Variants in KAZN observed in about 807,000 individuals in gnomAD.
KAZN encodes kazrin, periplakin interacting protein, also known as kazrin.
In KAZN, 40 loss-of-function variants were observed where a neutral mutation model predicts 87.4. The ratio of observed to expected loss-of-function variants is 0.46; its 90% confidence interval spans 0.36 to 0.60. KAZN has a LOEUF of 0.60. Ranked by LOEUF, KAZN falls within the 20% of genes least tolerant of loss-of-function variation. The pLI, the probability that KAZN is intolerant of heterozygous loss-of-function variation, is 0.00. For synonymous variants in KAZN, 466 were observed against 458.3 expected (o/e 1.02, Z -0.22); for missense variants, 898 against 1,073.9 (o/e 0.84, Z 2.29).
chr1:14,036,870 C>T (rs972706935), intron 1 of KAZN, among the ~76,000 whole-genome samples: 6 of 151,882 alleles, frequency 4.0e-5, no homozygotes, highest in Non-Finnish European at 7.4e-5. Flanking sequence ...ACCTCCGCCT[C>T]CCAGGTTCAA....
intron 2 of KAZN, among the ~76,000 whole-genome samples, chr1:14,970,242 C>G (rs1664881607): frequency 6.6e-6 from 1 of 152,198 alleles, no homozygotes; most frequent in Non-Finnish European, 1.5e-5. Context: ...TAAGATCCTT[C>G]AATTACCTTG....
chr1:14,861,285 G>C (rs1317841733), intron 1 of KAZN, among the ~76,000 whole-genome samples: 1 of 152,146 alleles, frequency 6.6e-6, no homozygotes, highest in African/African-American at 2.4e-5. Flanking sequence ...AGGCTGAGGC[G>C]GGAGGATCAC....
chr1:14,875,331 CAAAAAAA>C (rs58205013), intron 1 of KAZN, among the ~76,000 whole-genome samples: 59 of 86,926 alleles, frequency 6.8e-4, no homozygotes, highest in African/African-American at 2.4e-3. Context: ...AACTCTGTCT[CAAAAAAA>C]AAAAAAAAAA....
intron 1 of KAZN, among the ~76,000 whole-genome samples, chr1:14,900,690 G>A (rs534109058): frequency 8.0e-5 from 12 of 150,342 alleles, no homozygotes; most frequent in African/African-American, 2.7e-4. Context: ...GGAGGCAGAG[G>A]TTGCAGTGAG....
At chr1:14,451,604 G>GAGAGAGAGAGAGAGAGAGAGAT (rs1557730416) in intron 2 of KAZN, among the ~76,000 whole-genome samples, 3 of 150,980 alleles carry the variant, frequency 2.0e-5, no homozygotes, top group Non-Finnish European at 4.4e-5. Flanking sequence ...GAGAGAGAGA[G>GAGAGAGAGAGAGAGAGAGAGAT]AGAAAGAGAG....
At chr1:14,708,901 C>G (rs1017027385) in intron 1 of KAZN, among the ~76,000 whole-genome samples, 3 of 152,188 alleles carry the variant, frequency 2.0e-5, no homozygotes, top group Non-Finnish European at 4.4e-5. Flanking sequence ...ACTTTTTGAG[C>G]TTTAAAATAA....
intron 2 of KAZN, among the ~76,000 whole-genome samples, chr1:14,559,472 G>A (rs1674124193): frequency 6.6e-6 from 1 of 152,166 alleles, no homozygotes; most frequent in African/African-American, 2.4e-5. Flanking sequence ...GCTATGATCT[G>A]GAGCAAGTGG....
At chr1:14,924,493 C>A in intron 1 of KAZN, 4 of 996,160 alleles carry the variant, frequency 4.0e-6, no homozygotes, top group Non-Finnish European at 4.8e-6. Context: ...GCGAGCAGTG[C>A]GTGGACGCGG....
chr1:14,475,256 C>T (rs1469688306), intron 2 of KAZN, among the ~76,000 whole-genome samples: 3 of 152,166 alleles, frequency 2.0e-5, no homozygotes, highest in Non-Finnish European at 4.4e-5. Flanking sequence ...AGACCAATCT[C>T]CTTTTGAACC....
intron 1 of KAZN, among the ~76,000 whole-genome samples, chr1:14,729,600 C>T (rs6658908): frequency 0.23 from 34,751 of 152,058 alleles, 4,845 homozygotes; most frequent in African/African-American, 0.37. Flanking sequence ...AACAGTGTCT[C>T]GAGATTCCAC....
At chr1:13,983,702 G>C (rs1366242976) in intron 1 of KAZN, among the ~76,000 whole-genome samples, 1 of 152,256 alleles carries the variant, frequency 6.6e-6, no homozygotes, top group Non-Finnish European at 1.5e-5. Flanking sequence ...GGGCTGTGAG[G>C]ACCGCCAGCA....
intron 2 of KAZN, among the ~76,000 whole-genome samples, chr1:14,455,027 C>T (rs1667488083): frequency 1.3e-5 from 2 of 150,634 alleles, no homozygotes; most frequent in South Asian, 2.1e-4. Context: ...CTCCATAGAG[C>T]TGCTCATGAC....
At chr1:14,203,004 C>T (rs1327073340) in intron 2 of KAZN, among the ~76,000 whole-genome samples, 1 of 151,952 alleles carries the variant, frequency 6.6e-6, no homozygotes, top group Admixed American at 6.6e-5. Context: ...GCGACAAGAG[C>T]AAAACTCCGT....
At chr1:14,328,430 A>C (rs745375986) in intron 2 of KAZN, among the ~76,000 whole-genome samples, 1 of 152,176 alleles carries the variant, frequency 6.6e-6, no homozygotes, top group Non-Finnish European at 1.5e-5. Flanking sequence ...GAGGCCAGGC[A>C]TGGTGGCTGA....
chr1:14,477,150 G>A (rs141611733), intron 2 of KAZN, among the ~76,000 whole-genome samples: 35 of 152,262 alleles, frequency 2.3e-4, no homozygotes, highest in African/African-American at 8.2e-4. Context: ...TAAATTATGG[G>A]GGTGGGCCTT....
At chr1:15,000,299 G>T (rs1223949035) in intron 2 of KAZN, among the ~76,000 whole-genome samples, 1 of 151,790 alleles carries the variant, frequency 6.6e-6, no homozygotes, top group Admixed American at 6.6e-5. Flanking sequence ...GCCTCCGGTG[G>T]GAGCCTGGCC....
intron 2 of KAZN, among the ~76,000 whole-genome samples, chr1:14,415,676 T>C (rs950741597): frequency 2.6e-5 from 4 of 152,190 alleles, no homozygotes; most frequent in Non-Finnish European, 4.4e-5. Context: ...AGGCTTGTGC[T>C]GTGTTGTGCA....
intron 2 of KAZN, among the ~76,000 whole-genome samples, chr1:14,430,018 C>G (rs1164844128): frequency 3.3e-5 from 5 of 152,238 alleles, no homozygotes; most frequent in Admixed American, 3.3e-4. Context: ...TTGGCTGTTC[C>G]TCAAACACAC....
At chr1:14,183,202 C>T (rs1049861374) in intron 2 of KAZN, among the ~76,000 whole-genome samples, 6 of 152,088 alleles carry the variant, frequency 3.9e-5, no homozygotes, top group Non-Finnish European at 7.3e-5. Flanking sequence ...AAAGCATTGC[C>T]GGACTATGAA....
Sources: allele counts gnomAD v4.1 joint callset (sites outside exome capture counted in the v4.1 genomes callset), GRCh38; gene constraint gnomAD v4.1.1; transcripts MANE v1.5; gene names NCBI Gene and HGNC (gene_info 2026-07-23, HGNC 2026-07-21).